Variants in GFRA1 observed in about 807,000 individuals in gnomAD.
The protein encoded by GFRA1 is GDNF family receptor alpha-1.
A neutral mutation model predicts 51.6 loss-of-function variants in GFRA1; 16 were observed. The ratio of observed to expected loss-of-function variants is 0.31; its 90% CI spans 0.21 to 0.47. The LOEUF is 0.47. Ranked by LOEUF, GFRA1 falls within the 20% of genes least tolerant of loss-of-function variation. The pLI is 1.00. For synonymous variants in GFRA1, 270 were observed against 241.3 expected, an observed-to-expected ratio of 1.12 and a Z score of -1.10; for missense variants, 530 against 594.3, an observed-to-expected ratio of 0.89 and a Z score of 1.13.
At chr10:116,258,828 G>A (rs756830157) in intron 4 of GFRA1, among the ~76,000 whole-genome samples, 3 of 152,224 alleles carry the variant, frequency 2.0e-5, no homozygotes, top group South Asian at 2.1e-4. Flanking sequence ...CACCTAGCTC[G>A]CTGCAACTCA....
At chr10:116,187,365 G>T (rs969039631) in intron 5 of GFRA1, among the ~76,000 whole-genome samples, 2 of 152,146 alleles carry the variant, frequency 1.3e-5, no homozygotes, top group Admixed American at 1.3e-4. Flanking sequence ...GATGTCACCT[G>T]CCTGCAATTT....
chr10:116,171,931 GC>G (rs1324053819), intron 5 of GFRA1, among the ~76,000 whole-genome samples: 2 of 152,164 alleles, frequency 1.3e-5, no homozygotes, highest in African/African-American at 2.4e-5. Flanking sequence ...ACTCTGTTTA[GC>G]CCCGATACAA....
intron 5 of GFRA1, among the ~76,000 whole-genome samples, chr10:116,162,259 G>A (rs1251033902): frequency 2.6e-5 from 4 of 152,224 alleles, no homozygotes; most frequent in African/African-American, 9.6e-5. Flanking sequence ...GTGTCAAGCT[G>A]GAGAAGAGTC....
intron 9 of GFRA1, among the ~76,000 whole-genome samples, chr10:116,073,354 C>T (rs1955486004): frequency 6.6e-6 from 1 of 152,064 alleles, no homozygotes; most frequent in Non-Finnish European, 1.5e-5. Flanking sequence ...TTTTGCTTTT[C>T]CCCACGCTGA....
At chr10:116,164,719 A>C (rs1960196287) in intron 5 of GFRA1, among the ~76,000 whole-genome samples, 2 of 152,222 alleles carry the variant, frequency 1.3e-5, no homozygotes, top group South Asian at 4.1e-4. Context: ...AAAGTCACAC[A>C]TGATTTGCAC....
chr10:116,059,230 G>T lies in GFRA1; in HGVS notation c.*5168C>A, dbSNP rs1210616695. The T allele has an allele frequency of 1.3e-5, 2 of 152,190 alleles. No individual in the cohort carries two copies. The highest frequency in any genetic ancestry group is 2.9e-5 in the Non-Finnish European group (2 of 68,056). 9.4% of individuals were successfully genotyped at this position (152,190 alleles called of 1,614,324 possible). On this transcript the variant is annotated 3_prime_UTR_variant, in exon 11 of 11. Transcript: ENST00000355422. ...CAACCAGTTTCTGAGTACCTACTAT[G>T]GGTCATGCTTTCTGCTGAAGAAGCC...
chr10:116,134,762 A>T (rs935435559), intron 5 of GFRA1, among the ~76,000 whole-genome samples: 1 of 152,206 alleles, frequency 6.6e-6, no homozygotes, highest in African/African-American at 2.4e-5. Context: ...TGGTCTGGTA[A>T]AGACAGTTCC....
At chr10:116,178,307 C>CGGGGGGGGGG (rs891197102) in intron 5 of GFRA1, among the ~76,000 whole-genome samples, 1 of 149,426 alleles carries the variant, frequency 6.7e-6, no homozygotes, top group Non-Finnish European at 1.5e-5. Flanking sequence ...GCCGGGGGGG[C>CGGGGGGGGGG]GTTTTACTCC....
intron 4 of GFRA1, among the ~76,000 whole-genome samples, chr10:116,228,430 C>A (rs1035280322): frequency 6.6e-6 from 1 of 152,182 alleles, no homozygotes; most frequent in Non-Finnish European, 1.5e-5. Flanking sequence ...CCAATGCCCC[C>A]TGCCCAAGAT....
chr10:116,148,838 C>G (rs1382301134), intron 5 of GFRA1, among the ~76,000 whole-genome samples: 3 of 152,166 alleles, frequency 2.0e-5, no homozygotes, highest in Non-Finnish European at 4.4e-5. Flanking sequence ...GAAGAGCTGG[C>G]TGAACTAAAA....
chr10:116,199,776 C>A (rs564942253), intron 5 of GFRA1, among the ~76,000 whole-genome samples: 1 of 152,054 alleles, frequency 6.6e-6, no homozygotes, highest in African/African-American at 2.4e-5. Flanking sequence ...AGTGTATATT[C>A]GCTGAGTTTT....
chr10:116,109,529 A>T (rs571942338), intron 6 of GFRA1, among the ~76,000 whole-genome samples: 1 of 152,334 alleles, frequency 6.6e-6, no homozygotes, highest in East Asian at 1.9e-4. Context: ...AGGGGAAATC[A>T]TCTGGGCCTA....
chr10:116,114,898 C>T lies in GFRA1; in HGVS notation c.770+10323G>A, dbSNP rs541553851. Among the ~76,000 whole-genome samples, 3 of 152,292 alleles carry T rather than the reference C, an allele frequency of 2.0e-5. No individual in the cohort carries two copies. The East Asian group carries it at 5.8e-4, about 29-fold the overall frequency. On this transcript the variant is annotated intron_variant, in intron 6 of 10. Coordinates refer to ENST00000355422, the MANE Select transcript of GFRA1 (RefSeq NM_005264.8). ...ATCTCATTTAGTCCTCACTGCATCC[C>T]TGTGAAGATGGAGTCATTATCTCCA... is the stretch of plus-strand genomic sequence containing the variant.
At chr10:116,241,167 AATAGTG>A (rs1967336418) in intron 4 of GFRA1, among the ~76,000 whole-genome samples, 1 of 152,208 alleles carries the variant, frequency 6.6e-6, no homozygotes, top group Non-Finnish European at 1.5e-5. Context: ...GCAAGCCAGT[AATAGTG>A]ATAGTGTGTT....
At chr10:116,210,502 A>T (rs1245954795) in intron 5 of GFRA1, among the ~76,000 whole-genome samples, 1 of 152,210 alleles carries the variant, frequency 6.6e-6, no homozygotes, top group African/African-American at 2.4e-5. Context: ...AATTTTGCTC[A>T]TCTCTTAGTC....
At chr10:116,226,803 G>A (rs753617301) in intron 4 of GFRA1, 1 of 400,444 alleles carries the variant, frequency 2.5e-6, no homozygotes, top group South Asian at 1.9e-5. Flanking sequence ...GTCCTACCTG[G>A]GAGGGATGGG....
intron 9 of GFRA1, among the ~76,000 whole-genome samples, chr10:116,084,630 C>A (rs1956005353): frequency 6.6e-6 from 1 of 152,108 alleles, no homozygotes; most frequent in Non-Finnish European, 1.5e-5. Context: ...CTCTATTTGA[C>A]CACAGAAATC....
intron 6 of GFRA1, among the ~76,000 whole-genome samples, chr10:116,123,832 G>A (rs1182058144): frequency 6.6e-6 from 1 of 152,188 alleles, no homozygotes; most frequent in Non-Finnish European, 1.5e-5. Flanking sequence ...AAGCTTGGGG[G>A]TGAATGGGAG....
chr10:116,165,840 G>A (rs1241767150), intron 5 of GFRA1, among the ~76,000 whole-genome samples: 1 of 120,502 alleles, frequency 8.3e-6, no homozygotes, highest in Non-Finnish European at 1.7e-5. Flanking sequence ...GTGCATGTTT[G>A]TTACACAGAT....
Sources: gnomAD v4.1 joint callset for allele counts (sites outside exome capture counted in the v4.1 genomes callset) on GRCh38, gnomAD v4.1.1 for gene constraint, MANE v1.5 for transcripts, NCBI Gene and HGNC (gene_info 2026-07-23, HGNC 2026-07-21) for gene names.